Variants in DNAH11 observed in about 807,000 individuals in gnomAD.
DNAH11 encodes dynein axonemal heavy chain 11, also known as axonemal beta dynein heavy chain 11.
Under a neutral mutation model 526.0 loss-of-function variants are expected in DNAH11, and 442 were observed. The ratio of observed to expected loss-of-function variants is 0.84; its 90% CI spans 0.78 to 0.91. The LOEUF is 0.91. DNAH11 is among the 40% of genes least tolerant of loss of function. The pLI, the probability that DNAH11 is intolerant of heterozygous loss-of-function variation, is 0.00. For missense variants in DNAH11, 6,989 were observed against 5,448.7 expected, an observed-to-expected ratio of 1.28 and a Z score of -8.90; for synonymous variants, 2,461 against 1,935.9, an observed-to-expected ratio of 1.27 and a Z score of -7.12.
At chr7:21,801,542 G>A (rs1165287182) in intron 62 of DNAH11, among the ~76,000 whole-genome samples, 1 of 152,162 alleles carries the variant, frequency 6.6e-6, no homozygotes, top group East Asian at 1.9e-4. Context: ...GAATTTAGTG[G>A]TCTTGTATCC....
intron 30 of DNAH11, among the ~76,000 whole-genome samples, chr7:21,661,324 T>G (rs1782233997): frequency 1.3e-5 from 2 of 152,100 alleles, no homozygotes; most frequent in African/African-American, 4.8e-5. Flanking sequence ...CCCTTCTTTC[T>G]ATAGAATATA....
intron 54 of DNAH11, among the ~76,000 whole-genome samples, chr7:21,762,986 T>C (rs529311801): frequency 6.6e-6 from 1 of 152,140 alleles, no homozygotes; most frequent in Admixed American, 6.5e-5. Context: ...AAGGAATTAA[T>C]TAATTCACAT....
intron 30 of DNAH11, among the ~76,000 whole-genome samples, chr7:21,676,361 C>G (rs1562747076): frequency 6.6e-6 from 1 of 152,134 alleles, no homozygotes; most frequent in African/African-American, 2.4e-5. Flanking sequence ...TTTCTTAAAG[C>G]TGCTAAGGAG....
In DNAH11 at chr7:21,787,398, C is replaced by T; in HGVS notation, c.9742-3C>T. 1.3e-6 allele frequency: 2 copies of T among 1,594,892 alleles called. No homozygotes were observed. The highest frequency in any genetic ancestry group is 1.7e-6 in the Non-Finnish European group (2 of 1,171,146). On this transcript the variant is annotated splice_region_variant and splice_polypyrimidine_tract_variant and intron_variant, in intron 59 of 81. Coordinates refer to ENST00000409508, the MANE Select transcript of DNAH11 (RefSeq NM_001277115.2). ...CATTGCAATAAATCTTTTTGCTTTG[C>T]AGGTTGATGATTTTTTGCAAGCATT...
intron 26 of DNAH11, among the ~76,000 whole-genome samples, chr7:21,637,105 A>C (rs1786897965): frequency 6.6e-6 from 1 of 152,130 alleles, no homozygotes; most frequent in Admixed American, 6.6e-5. Flanking sequence ...AGGAAGAAAA[A>C]ATAGATTGTT....
chr7:21,859,876 A>G (rs1182851224), intron 68 of DNAH11, among the ~76,000 whole-genome samples: 1 of 152,198 alleles, frequency 6.6e-6, no homozygotes, highest in Non-Finnish European at 1.5e-5. Flanking sequence ...TGGGAACAAC[A>G]ACAACAACAA....
At position 21,697,336 on chromosome 7, in the gene DNAH11, A is replaced by G. The variant is rs150634268; in HGVS notation, c.6042-739A>G. 9.7e-3 allele frequency among the ~76,000 whole-genome samples: 1,483 copies of G among 152,196 alleles called. 24 individuals are homozygous for G. Among genetic ancestry groups the G allele is most frequent in the Non-Finnish European group, 0.011 (748 of 68,010 alleles). Reference sequence around the variant, plus strand: ...CTATGTTTTTCTAAATGTCCCCTTTAAAAGTCTATCCCAGTTGGTCCTAGG... The same window carrying G: ...CTATGTTTTTCTAAATGTCCCCTTTGAAAGTCTATCCCAGTTGGTCCTAGG... On this transcript the variant is annotated intron_variant, in intron 35 of 81. Transcript: ENST00000409508.
At chr7:21,764,271 A>G (rs1307609889) in intron 54 of DNAH11, among the ~76,000 whole-genome samples, 5 of 105,592 alleles carry the variant, frequency 4.7e-5, no homozygotes, top group East Asian at 2.8e-4. Flanking sequence ...AATAAACAAT[A>G]AAACACTTGT....
At chr7:21,646,886 C>T (rs1353303980) in intron 28 of DNAH11, among the ~76,000 whole-genome samples, 1 of 152,070 alleles carries the variant, frequency 6.6e-6, no homozygotes, top group Non-Finnish European at 1.5e-5. Flanking sequence ...AAAATATATT[C>T]ATTTTTAAGC....
At position 21,561,120 on chromosome 7, in the gene DNAH11, A is replaced by G. The variant is rs199579217; in HGVS notation, c.932A>G (p.Gln311Arg). The G allele has an allele frequency of 7.5e-5, 121 of 1,605,528 alleles. No individual in the cohort carries two copies. Among genetic ancestry groups the G allele is most frequent in the Non-Finnish European group, 8.9e-5 (105 of 1,175,850 alleles). ...ATGGTTAAGATCCTGACAACTAAAC[A>G]AAGCAGCTATTTTCCTACTCTGAAG... ...LKMVKILTTK[Q>R]SSYFPTLKDI... is the part of the protein sequence containing the mutation. The change falls in exon 5 of 82, where the codon CAA becomes CGA. Residue 311 changes from glutamine (Q) to arginine (R), a missense_variant. Coordinates refer to ENST00000409508, the MANE Select transcript of DNAH11 (RefSeq NM_001277115.2).
chr7:21,737,569 G>A (rs1193606958), intron 46 of DNAH11, among the ~76,000 whole-genome samples: 1 of 152,214 alleles, frequency 6.6e-6, no homozygotes, highest in Non-Finnish European at 1.5e-5. Flanking sequence ...GTCCCCCTGA[G>A]TAGTATAAGA....
Position 21,588,044 on chromosome 7 carries a change from C to G in DNAH11, c.1711-20C>G. On this transcript the variant is annotated intron_variant, in intron 9 of 81. Transcript: ENST00000409508. Reference sequence around the variant, plus strand: ...AAAAACTCATAGTGCTTAATGTTGCCTTCACTTTGATTTTTATAGCTTTTG... The same window carrying G: ...AAAAACTCATAGTGCTTAATGTTGCGTTCACTTTGATTTTTATAGCTTTTG... 6.2e-7 allele frequency: 1 copy of G among 1,610,940 alleles called. No individual in the cohort carries two copies. The highest frequency in any genetic ancestry group is 8.5e-7 in the Non-Finnish European group (1 of 1,178,660).
Position 21,591,508 on chromosome 7 carries a change from G to T in DNAH11, c.2598G>T (p.Lys866Asn). Residue 866 changes from lysine to asparagine, a missense_variant, in exon 14 of 82, where the codon AAG (lysine) becomes AAT (asparagine). Physicochemically the swap from Lys to Asn is moderately conservative, Grantham distance 94. Coordinates refer to ENST00000409508, the MANE Select transcript of DNAH11 (RefSeq NM_001277115.2). ...RREAAFTLEDKGDLFTKKYKL... is the reference protein window; with the variant it reads ...RREAAFTLEDNGDLFTKKYKL... ...AGGCAGCCTTCACCTTGGAGGACAAGGGTGATTTGTTTACAAAAAAATACA... is the reference window on the plus strand; with the variant it reads ...AGGCAGCCTTCACCTTGGAGGACAATGGTGATTTGTTTACAAAAAAATACA... The T allele has an allele frequency of 1.9e-6, 3 of 1,601,988 alleles. No individual in the cohort carries two copies. The highest frequency in any genetic ancestry group is 2.6e-6 in the Non-Finnish European group (3 of 1,171,530).
intron 28 of DNAH11, among the ~76,000 whole-genome samples, chr7:21,650,889 C>T (rs112134880): frequency 2.0e-5 from 3 of 151,724 alleles, no homozygotes; most frequent in Non-Finnish European, 4.4e-5. Flanking sequence ...ATCCACTTGC[C>T]TCTGCCTCCC....
intron 2 of DNAH11, among the ~76,000 whole-genome samples, chr7:21,548,552 G>A (rs1382105915): frequency 6.6e-6 from 1 of 152,182 alleles, no homozygotes; most frequent in Non-Finnish European, 1.5e-5. Flanking sequence ...GTGGCCATAT[G>A]TATTTTCGGG....
chr7:21,687,111 C>T lies in DNAH11; in HGVS notation c.5634C>T (p.Thr1878=). 1 of 1,612,198 alleles carries T rather than the reference C, an allele frequency of 6.2e-7. No homozygotes were observed. Among genetic ancestry groups the T allele is most frequent in the Non-Finnish European group, 8.5e-7 (1 of 1,179,234 alleles). ...ITPLTDRCYI[T]LTQSLHLTMS... ...CTATTGCTTAAAGGTGTTATATTAC[C>T]TTAACTCAATCACTTCATCTAACCA... The change falls in exon 33 of 82, where the codon ACC becomes ACT. Residue 1878 remains threonine, a synonymous_variant. Coordinates refer to ENST00000409508, the MANE Select transcript of DNAH11 (RefSeq NM_001277115.2).
At chr7:21,672,772 A>T (rs1782695637) in intron 30 of DNAH11, among the ~76,000 whole-genome samples, 1 of 152,120 alleles carries the variant, frequency 6.6e-6, no homozygotes, top group Non-Finnish European at 1.5e-5. Context: ...ACACTCTTTA[A>T]ATTCACGGTA....
intron 46 of DNAH11, among the ~76,000 whole-genome samples, 167 bp from the exon 47 acceptor site, chr7:21,738,534 A>G (rs546381012): frequency 6.6e-6 from 1 of 152,304 alleles, no homozygotes; most frequent in African/African-American, 2.4e-5. Context: ...GCACGACACA[A>G]AAGGAGGGGC....
In DNAH11 at chr7:21,581,889, A is replaced by C; in HGVS notation, c.1594-16A>C. 1 of 1,512,414 alleles carries C rather than the reference A, an allele frequency of 6.6e-7. No individual in the cohort carries two copies. Among genetic ancestry groups the C allele is most frequent in the Non-Finnish European group, 9.2e-7 (1 of 1,091,198 alleles). 93.7% of individuals were successfully genotyped at this position (1,512,414 alleles called of 1,614,324 possible). A position where few individuals can be genotyped will look rare whatever the true frequency, so the allele number is the denominator to read the frequency against. On this transcript the variant is annotated splice_polypyrimidine_tract_variant and intron_variant, in intron 8 of 81. Coordinates refer to ENST00000409508, the MANE Select transcript of DNAH11 (RefSeq NM_001277115.2). Reference sequence around the variant, plus strand: ...ATTATTTCCAATATACTAATATTTCACTTTGAATTTTACAGGAGTTTGAAA... The same window carrying C: ...ATTATTTCCAATATACTAATATTTCCCTTTGAATTTTACAGGAGTTTGAAA...
Sources: allele counts gnomAD v4.1 joint callset (sites outside exome capture counted in the v4.1 genomes callset), GRCh38; gene constraint gnomAD v4.1.1; transcripts MANE v1.5; gene names NCBI Gene and HGNC (gene_info 2026-07-23, HGNC 2026-07-21).